The following KLC3 variants were observed in gnomAD, a reference collection of about 807,000 sequenced individuals.
KLC3 encodes kinesin light chain 3, also known as kinesin light chain 2.
KLC3 carries 72 observed loss-of-function variants against 62.9 expected under a neutral mutation model. That is an observed-to-expected ratio of 1.15 (90% CI 0.95 to 1.39). The LOEUF (loss-of-function observed/expected upper bound fraction) is 1.39. Ranked by LOEUF, KLC3 falls within the 40% of genes most tolerant of loss-of-function variation. The pLI is 0.00. For synonymous variants in KLC3, 377 were observed against 300.5 expected (o/e 1.25, Z -2.63); for missense variants, 848 against 691.6 (o/e 1.23, Z -2.54).
intron 5 of KLC3, 110 bp from the exon 6 acceptor site, chr19:45,348,536 T>G (rs1431534035): frequency 1.9e-6 from 2 of 1,045,846 alleles, no homozygotes; most frequent in African/African-American, 3.2e-5. Flanking sequence ...GTGCCACCCA[T>G]GCTTGGTTCA....
rs755377157 is a variant in KLC3, at chr19:45,350,968, T to A, written c.1394T>A (p.Met465Lys). 6.2e-7 allele frequency: 1 copy of A among 1,613,970 alleles called. No individual in the cohort carries two copies. The highest frequency in any genetic ancestry group is 1.3e-5 in the African/African-American group (1 of 74,864). ...CCTCTTTGCAGAATGAAGAGAGCCA[T>A]GTCACTCAACACACTGAACGTGGAT... is the stretch of plus-strand genomic sequence containing the variant. Reference protein sequence around the residue: ...AAGAAGMKRAMSLNTLNVDAP... With the variant: ...AAGAAGMKRAKSLNTLNVDAP... The change falls in exon 12 of 13, where the codon ATG becomes AAG. Residue 465 changes from methionine (M) to lysine (K), a missense_variant. Physicochemically the swap from Met to Lys is moderately conservative, Grantham distance 95. Coordinates refer to ENST00000391946, the MANE Select transcript of KLC3 (RefSeq NM_177417.3).
intron 1 of KLC3, among the ~76,000 whole-genome samples, chr19:45,342,293 G>A (rs1944368739): frequency 6.6e-6 from 1 of 152,084 alleles, no homozygotes; most frequent in African/African-American, 2.4e-5. Flanking sequence ...ATATACACAA[G>A]CACACAGATT....
At chr19:45,347,155 C>T (rs914571461) in intron 3 of KLC3, 4 of 432,136 alleles carry the variant, frequency 9.3e-6, no homozygotes, top group African/African-American at 8.2e-5. Context: ...CCAGCATGAC[C>T]AACATGGAGA....
chr19:45,349,690 T>A, intron 8 of KLC3, 88 bp downstream of exon 8: 1 of 735,324 alleles, frequency 1.4e-6, no homozygotes, highest in South Asian at 3.2e-5. Flanking sequence ...GTGAGCAACG[T>A]GAGGGTGGGG....
chr19:45,350,115 G>A lies in KLC3; in HGVS notation c.1144-226G>A. 5.4e-6 allele frequency: 3 copies of A among 558,920 alleles called. No homozygotes were observed. In the South Asian group the frequency reaches 6.4e-5, roughly 12 times the overall value. 34.6% of individuals were successfully genotyped at this position (558,920 alleles called of 1,614,324 possible). A position where few individuals can be genotyped will look rare whatever the true frequency, so the allele number is the denominator to read the frequency against. ...AGGCTTTAGGCAGGGGAAGGATACGGCCAGGTCAGCACATTAGAAAGTGGG... is the reference window on the plus strand; with the variant it reads ...AGGCTTTAGGCAGGGGAAGGATACGACCAGGTCAGCACATTAGAAAGTGGG... On this transcript the variant is annotated intron_variant, in intron 8 of 12. Coordinates refer to ENST00000391946, the MANE Select transcript of KLC3 (RefSeq NM_177417.3).
At position 45,345,559 on chromosome 19, in the gene KLC3, G is replaced by T. The variant is rs908786007; in HGVS notation, c.18G>T (p.Ala6=). 1 of 1,565,838 alleles carries T rather than the reference G, an allele frequency of 6.4e-7. No individual in the cohort carries two copies. The highest frequency in any genetic ancestry group is 8.7e-7 in the Non-Finnish European group (1 of 1,155,958). Reference sequence around the variant, plus strand: ...GAGCAGCAATGTCTGTGCAGGTAGCGGCTCCTGGAAGTGCAGGGCTGGGCC... The same window carrying T: ...GAGCAGCAATGTCTGTGCAGGTAGCTGCTCCTGGAAGTGCAGGGCTGGGCC... MSVQV[A]APGSAGLGPE... Residue 6 remains alanine, a synonymous_variant, in exon 2 of 13, where the codon GCG becomes GCT. Coordinates refer to ENST00000391946, the MANE Select transcript of KLC3 (RefSeq NM_177417.3).
In KLC3 at chr19:45,350,403, C is replaced by G; in HGVS notation, c.1206C>G (p.Leu402=). 1.9e-6 allele frequency: 3 copies of G among 1,613,968 alleles called. No individual in the cohort carries two copies. Among genetic ancestry groups the G allele is most frequent in the Non-Finnish European group, 2.5e-6 (3 of 1,179,952 alleles). The change falls in exon 9 of 13, where the codon CTC becomes CTG. Residue 402 remains leucine (L), a synonymous_variant. Transcript: ENST00000391946. ...CGGAAGAGCTGTACAAAGAAATCCTCCACAAGGAGGACCTACCCGCCCCTC... is the reference window on the plus strand; with the variant it reads ...CGGAAGAGCTGTACAAAGAAATCCTGCACAAGGAGGACCTACCCGCCCCTC... The part of the protein sequence containing the change: ...QQAEELYKEI[L]HKEDLPAPLG...
chr19:45,351,117 T>TGGTGGGTTGGTGTCAG, intron 12 of KLC3, 100 bp downstream of exon 12: 1 of 1,605,652 alleles, frequency 6.2e-7, no homozygotes, highest in Non-Finnish European at 8.5e-7. Context: ...AGTCAGCAGG[T>TGGTGGGTTGGTGTCAG]GGTGGGTTGG....
chr19:45,344,536 G>A (rs34519563), intron 1 of KLC3, among the ~76,000 whole-genome samples: 4 of 151,960 alleles, frequency 2.6e-5, no homozygotes, highest in Non-Finnish European at 5.9e-5. Context: ...GTATTGGAGA[G>A]AAGGGAGAGT....
Position 45,349,421 on chromosome 19 carries a change from GC to G in KLC3, c.970-3del. On this transcript the variant is annotated splice_region_variant and splice_polypyrimidine_tract_variant and intron_variant, in intron 7 of 12. Coordinates refer to ENST00000391946, the MANE Select transcript of KLC3 (RefSeq NM_177417.3). ...TGATCCCTCTGACTTGTGACCCCTG[GC>G]CCCCAGGTCCTGGGTGCTGACCACC... 2 of 1,596,510 alleles carry G rather than the reference GC, an allele frequency of 1.3e-6. No homozygotes were observed. The highest frequency in any genetic ancestry group is 1.7e-6 in the Non-Finnish European group (2 of 1,169,204).
Position 45,348,068 on chromosome 19 carries a change from G to A in KLC3, c.687G>A (p.Leu229=), listed in dbSNP as rs1332608738. The part of the protein sequence containing the change: ...GQGRYEVAVP[L]CRQALEDLER... ...GCCGCTATGAGGTGGCGGTGCCTCT[G>A]TGCCGCCAGGCCTTGGAGGACCTGG... Residue 229 remains leucine (L), a synonymous_variant, in exon 5 of 13, where the codon CTG becomes CTA. Transcript: ENST00000391946. 1.9e-6 allele frequency: 3 copies of A among 1,602,492 alleles called. No individual in the cohort carries two copies. The highest frequency in any genetic ancestry group is 1.7e-6 in the Non-Finnish European group (2 of 1,174,830).
chr19:45,350,605 C>T (rs1175668211), intron 10 of KLC3, 36 bp from the exon 11 acceptor site: 1 of 1,613,484 alleles, frequency 6.2e-7, no homozygotes. Flanking sequence ...CTGCATGGGC[C>T]TGGGGGACTG....
intron 1 of KLC3, among the ~76,000 whole-genome samples, chr19:45,342,915 C>T (rs574032452): frequency 1.3e-5 from 2 of 152,256 alleles, no homozygotes; most frequent in East Asian, 3.9e-4. Context: ...CGTGCATGTA[C>T]AACATGTGCA....
rs773578480 is a variant in KLC3 at position 45,349,393 on chromosome 19, G to A, written c.970-36G>A. The stretch of plus-strand genomic sequence containing the variant: ...TGATGTCACGTGTCCCACCAATCCT[G>A]TATGATCCCTCTGACTTGTGACCCC... On this transcript the variant is annotated intron_variant, in intron 7 of 12. Coordinates refer to ENST00000391946, the MANE Select transcript of KLC3 (RefSeq NM_177417.3). 5.1e-6 allele frequency: 8 copies of A among 1,573,176 alleles called. No homozygotes were observed. In the South Asian group the frequency reaches 7.0e-5, roughly 14 times the overall value.
rs966937324 is a variant in KLC3, at chr19:45,351,515, A to C, written c.*158A>C. 3.2e-5 allele frequency: 51 copies of C among 1,600,078 alleles called. No homozygotes were observed. Among genetic ancestry groups the C allele is most frequent in the African/African-American group, 4.0e-5 (3 of 74,850 alleles). ...TGCGATTAAAGGCTGTGGACGTGAC[A>C]GTGAGAAATGTCACCTGACTTCATA... On this transcript the variant is annotated 3_prime_UTR_variant, in exon 13 of 13. Coordinates refer to ENST00000391946, the MANE Select transcript of KLC3 (RefSeq NM_177417.3).
At chr19:45,341,584 C>CGCGCGCGCGT (rs1971396778) in intron 1 of KLC3, among the ~76,000 whole-genome samples, 8 of 90,694 alleles carry the variant, frequency 8.8e-5, no homozygotes, top group Admixed American at 5.9e-4. Context: ...TGTGTGCGCG[C>CGCGCGCGCGT]GCGCGTGTGG....
Position 45,346,608 on chromosome 19 carries a change from AGGCCCGGCGGCT to A in KLC3, c.329_340del (p.Arg110_Ala113del). ...GCAGAGAAGCAGCGGCTGCGCTCGC[AGGCCCGGCGGCT>A]GGCCCAGGAGAACGTGTGGCTGCGG... is the stretch of plus-strand genomic sequence containing the variant. On this transcript the variant is annotated inframe_deletion, in exon 3 of 13. Coordinates refer to ENST00000391946, the MANE Select transcript of KLC3 (RefSeq NM_177417.3). The A allele has an allele frequency of 6.4e-7, 1 of 1,550,484 alleles. No homozygotes were observed. Among genetic ancestry groups the A allele is most frequent in the Non-Finnish European group, 8.7e-7 (1 of 1,147,036 alleles).
In KLC3 at chr19:45,348,069, T is replaced by G. The variant is rs766496895; in HGVS notation, c.688T>G (p.Cys230Gly). 4 of 1,602,580 alleles carry G rather than the reference T, an allele frequency of 2.5e-6. No homozygotes were observed. The South Asian group carries it at 4.5e-5, about 18-fold the overall frequency. Reference protein sequence around the residue: ...QGRYEVAVPLCRQALEDLERS... With the variant: ...QGRYEVAVPLGRQALEDLERS... ...CCGCTATGAGGTGGCGGTGCCTCTGTGCCGCCAGGCCTTGGAGGACCTGGA... is the reference window on the plus strand; with the variant it reads ...CCGCTATGAGGTGGCGGTGCCTCTGGGCCGCCAGGCCTTGGAGGACCTGGA... Residue 230 changes from cysteine (C) to glycine (G), a missense_variant, in exon 5 of 13, where the codon TGC (cysteine) becomes GGC (glycine). Physicochemically the swap from Cys to Gly is radical, Grantham distance 159. Transcript: ENST00000391946.
At chr19:45,347,603 C>A in intron 4 of KLC3, 87 bp downstream of exon 4, 2 of 1,269,268 alleles carry the variant, frequency 1.6e-6, no homozygotes, top group Non-Finnish European at 2.2e-6. Context: ...ATCTCTGAGC[C>A]AGGGGATGGG....
Sources: gnomAD v4.1 joint callset for allele counts (sites outside exome capture counted in the v4.1 genomes callset) on GRCh38, gnomAD v4.1.1 for gene constraint, MANE v1.5 for transcripts, NCBI Gene and HGNC (gene_info 2026-07-23, HGNC 2026-07-21) for gene names.